MSRA: variants seen among roughly 807,000 people sequenced by gnomAD.
The protein encoded by MSRA is mitochondrial peptide methionine sulfoxide reductase.
In MSRA, 54 loss-of-function variants were observed where a neutral mutation model predicts 31.3. The ratio of observed to expected loss-of-function variants is 1.73; its 90% confidence interval spans 1.39 to 2.17. The LOEUF is 2.17. Among genes scored for constraint, MSRA ranks in the 30% most tolerant of loss-of-function variants. The probability of loss-of-function intolerance (pLI) is 0.00; values close to 1 mark genes in which losing one functional copy is unlikely to be tolerated. For missense variants in MSRA, 507 were observed against 300.9 expected, an observed-to-expected ratio of 1.69 and a Z score of -5.07; for synonymous variants, 169 against 116.5, an observed-to-expected ratio of 1.45 and a Z score of -2.90.
intron 3 of MSRA, among the ~76,000 whole-genome samples, chr8:10,295,797 T>A (rs1800507381): frequency 6.6e-6 from 1 of 152,124 alleles, no homozygotes; most frequent in African/African-American, 2.4e-5. Flanking sequence ...CCGGTGCCTC[T>A]GCCCTCTCCC....
intron 5 of MSRA, among the ~76,000 whole-genome samples, chr8:10,328,388 C>T (rs1802501918): frequency 6.6e-6 from 1 of 151,872 alleles, no homozygotes; most frequent in African/African-American, 2.4e-5. Context: ...ACAGATTCTA[C>T]CTCCAAAAGA....
chr8:10,253,753 C>T (rs1263192976), intron 3 of MSRA, among the ~76,000 whole-genome samples: 1 of 150,512 alleles, frequency 6.6e-6, no homozygotes, highest in South Asian at 2.1e-4. Flanking sequence ...TTATGGGGGT[C>T]AGGGGGTTGA....
At chr8:10,216,885 C>T (rs529525654) in intron 2 of MSRA, among the ~76,000 whole-genome samples, 1 of 152,232 alleles carries the variant, frequency 6.6e-6, no homozygotes, top group Non-Finnish European at 1.5e-5. Context: ...GATCTCTCTT[C>T]AAGTCCCTGC....
intron 1 of MSRA, among the ~76,000 whole-genome samples, chr8:10,082,488 C>T (rs912409399): frequency 1.3e-5 from 2 of 152,150 alleles, no homozygotes; most frequent in Admixed American, 1.3e-4. Flanking sequence ...CATCTTTTCT[C>T]CCACAAAACA....
intron 2 of MSRA, among the ~76,000 whole-genome samples, chr8:10,229,319 G>A (rs943912482): frequency 3.9e-5 from 6 of 152,238 alleles, no homozygotes; most frequent in African/African-American, 1.4e-4. Context: ...CCATTAGAGA[G>A]GGATCATCTG....
In MSRA at chr8:10,179,501, G is replaced by A. The variant is rs1399589753; in HGVS notation, c.143-28332G>A. Among the ~76,000 whole-genome samples the A allele has an allele frequency of 3.3e-5, 5 of 152,232 alleles. No individual in the cohort carries two copies. The East Asian group carries it at 9.7e-4, about 29-fold the overall frequency. On this transcript the variant is annotated intron_variant, in intron 1 of 5. Coordinates refer to ENST00000317173, the MANE Select transcript of MSRA (RefSeq NM_012331.5). Reference sequence around the variant, plus strand: ...TCTGAACAGAAGGGTTTTTGTCTTGGCAAGGTTTTGTCTTGGAATGGTGTA... The same window carrying A: ...TCTGAACAGAAGGGTTTTTGTCTTGACAAGGTTTTGTCTTGGAATGGTGTA...
intron 5 of MSRA, among the ~76,000 whole-genome samples, chr8:10,344,183 C>G (rs539491145): frequency 2.0e-5 from 3 of 152,306 alleles, no homozygotes; most frequent in Non-Finnish European, 4.4e-5. Context: ...GTCCTTTGTA[C>G]TAACAGCAGT....
chr8:10,415,110 A>G (rs571273960), intron 5 of MSRA, among the ~76,000 whole-genome samples: 2 of 152,304 alleles, frequency 1.3e-5, no homozygotes, highest in East Asian at 3.9e-4. Flanking sequence ...GCCAGAGCAA[A>G]TGGGTGGTTG....
intron 1 of MSRA, among the ~76,000 whole-genome samples, chr8:10,102,239 T>C (rs1315091894): frequency 6.6e-6 from 1 of 152,220 alleles, no homozygotes; most frequent in Admixed American, 6.5e-5. Context: ...TGTGCCCTCT[T>C]TCTCCTTTCC....
At chr8:10,224,033 G>C (rs66899205) in intron 2 of MSRA, among the ~76,000 whole-genome samples, 20,597 of 152,078 alleles carry the variant, frequency 0.14, 1,563 homozygotes, top group East Asian at 0.29. Context: ...CTGCATCCTA[G>C]GATCATCATT....
intron 1 of MSRA, among the ~76,000 whole-genome samples, chr8:10,108,497 A>C (rs1800047058): frequency 6.6e-6 from 1 of 152,096 alleles, no homozygotes; most frequent in Non-Finnish European, 1.5e-5. Context: ...TTCCACAAAG[A>C]CTTTTTTTTC....
intron 1 of MSRA, among the ~76,000 whole-genome samples, chr8:10,193,356 T>G (rs2129054286): frequency 6.6e-6 from 1 of 152,352 alleles, no homozygotes; most frequent in South Asian, 2.1e-4. Context: ...GGGTTCAGTG[T>G]GAGGCCGCCT....
intron 3 of MSRA, among the ~76,000 whole-genome samples, chr8:10,256,349 C>A (rs1798178895): frequency 6.6e-6 from 1 of 152,202 alleles, no homozygotes; most frequent in African/African-American, 2.4e-5. Context: ...GGATGTACCC[C>A]AGTTTGCTTG....
intron 1 of MSRA, among the ~76,000 whole-genome samples, chr8:10,175,695 C>T (rs1563183491): frequency 6.6e-6 from 1 of 152,234 alleles, no homozygotes; most frequent in Middle Eastern, 3.2e-3. Context: ...AAGCTTTTCA[C>T]TTTGAAGATG....
intron 1 of MSRA, among the ~76,000 whole-genome samples, chr8:10,163,573 G>GAAA (rs1804857449): frequency 6.6e-6 from 1 of 152,194 alleles, no homozygotes; most frequent in Admixed American, 6.5e-5. Flanking sequence ...TCTGCCCCAC[G>GAAA]CTGGAAAGTC....
At chr8:10,304,378 G>A (rs1446410866) in intron 4 of MSRA, among the ~76,000 whole-genome samples, 1 of 152,216 alleles carries the variant, frequency 6.6e-6, no homozygotes, top group African/African-American at 2.4e-5. Context: ...ACAGATAAAT[G>A]CGCATAAGAC....
chr8:10,147,790 G>A (rs772069432), intron 1 of MSRA, among the ~76,000 whole-genome samples: 4 of 152,174 alleles, frequency 2.6e-5, no homozygotes, highest in Admixed American at 6.5e-5. Context: ...CACCCCCCAC[G>A]TCCCAGGGGC....
At chr8:10,240,327 G>A (rs1353112515) in intron 2 of MSRA, among the ~76,000 whole-genome samples, 1 of 152,182 alleles carries the variant, frequency 6.6e-6, no homozygotes, top group Admixed American at 6.5e-5. Context: ...ACCTTGGTGA[G>A]CGGGTGTGCA....
chr8:10,134,445 A>G (rs905239561), intron 1 of MSRA, among the ~76,000 whole-genome samples: 3 of 152,246 alleles, frequency 2.0e-5, no homozygotes, highest in African/African-American at 7.2e-5. Context: ...TGGGGGTTTC[A>G]GTTTATCCCT....
Sources: gnomAD v4.1 joint callset for allele counts (sites outside exome capture counted in the v4.1 genomes callset) on GRCh38, gnomAD v4.1.1 for gene constraint, MANE v1.5 for transcripts, NCBI Gene and HGNC (gene_info 2026-07-23, HGNC 2026-07-21) for gene names.